PCDHGA1: variants seen among roughly 807,000 people sequenced by gnomAD.
The protein encoded by PCDHGA1 is protocadherin gamma subfamily A, 1.
In PCDHGA1, 32 loss-of-function variants were observed where a neutral mutation model predicts 58.0. The observed-to-expected ratio is 0.55, with a 90% CI of 0.42 to 0.74. PCDHGA1 has a LOEUF of 0.74. PCDHGA1 is among the 30% of genes least tolerant of loss of function. The pLI is 0.00. For missense variants in PCDHGA1, 1,205 were observed against 1,182.3 expected, an observed-to-expected ratio of 1.02 and a Z score of -0.28; for synonymous variants, 498 against 501.1, an observed-to-expected ratio of 0.99 and a Z score of 0.08.
At chr5:141,473,635 C>A (rs945632106) in intron 1 of PCDHGA1, among the ~76,000 whole-genome samples, 1 of 152,128 alleles carries the variant, frequency 6.6e-6, no homozygotes, top group African/African-American at 2.4e-5. Flanking sequence ...AGCAGCTTTC[C>A]TGGCAAAGGA....
intron 1 of PCDHGA1, chr5:141,419,434 G>A (rs372006900): frequency 2.5e-5 from 41 of 1,613,112 alleles, no homozygotes; most frequent in Non-Finnish European, 3.3e-5. Flanking sequence ...ACGAGCAGCT[G>A]CGCACCTTCG....
chr5:141,427,914 A>G (rs757621783), intron 1 of PCDHGA1: 123 of 1,576,802 alleles, frequency 7.8e-5, no homozygotes, highest in Non-Finnish European at 7.6e-5. Context: ...CAGCGCCAAC[A>G]TGAGCCGGCG....
chr5:141,406,307 T>C (rs2094791462), intron 1 of PCDHGA1, among the ~76,000 whole-genome samples: 1 of 152,088 alleles, frequency 6.6e-6, no homozygotes, highest in African/African-American at 2.4e-5. Flanking sequence ...GTGAACCACC[T>C]CACCCAGCAA....
chr5:141,420,496 G>T, intron 1 of PCDHGA1: 1 of 495,924 alleles, frequency 2.0e-6, no homozygotes, highest in Non-Finnish European at 3.1e-6. Context: ...GTAATCTCCG[G>T]TGACATTTTT....
At chr5:141,372,216 A>G (rs1768504235) in intron 1 of PCDHGA1, 8 of 1,613,520 alleles carry the variant, frequency 5.0e-6, no homozygotes, top group Non-Finnish European at 5.1e-6. Flanking sequence ...GTCCTACCAC[A>G]TTGTGCAGGC....
intron 1 of PCDHGA1, chr5:141,417,121 G>C (rs2096086482): frequency 6.6e-6 from 1 of 152,110 alleles, no homozygotes; most frequent in Non-Finnish European, 1.5e-5. Context: ...GGACACCCTG[G>C]ATGATGGTAA....
At chr5:141,413,763 G>A (rs964376306) in intron 1 of PCDHGA1, 6 of 1,612,814 alleles carry the variant, frequency 3.7e-6, no homozygotes, top group Non-Finnish European at 5.1e-6. Context: ...TCAAGTACCC[G>A]GAGCTGGTAC....
rs749252261 is a variant in PCDHGA1 at position 141,366,393 on chromosome 5, A to C, written c.2421+33288A>C. ...ACCCCCATTGACCCTGAGGATCTGG[A>C]CCTCACACTCTATCTTGTGGTGGCA... On this transcript the variant is annotated intron_variant, in intron 1 of 3. Transcript: ENST00000517417. 11 of 1,614,004 alleles carry C rather than the reference A, an allele frequency of 6.8e-6. 1 individual carries two copies. Among genetic ancestry groups the C allele is most frequent in the African/African-American group, 4.0e-5 (3 of 74,938 alleles).
rs1405122578 is a variant in PCDHGA1 at position 141,330,670 on chromosome 5, C to A, written c.-15C>A. ...TTGGTACTGGACTGGAAGAAAACTA[C>A]GAAGTGAGAGAGCCATGAAGATTCA... On this transcript the variant is annotated 5_prime_UTR_variant, in exon 1 of 4. Transcript: ENST00000517417. 1.3e-6 allele frequency: 2 copies of A among 1,587,780 alleles called. No individual in the cohort carries two copies. Among genetic ancestry groups the A allele is most frequent in the Non-Finnish European group, 1.7e-6 (2 of 1,165,364 alleles).
At chr5:141,386,978 T>C (rs1267866332) in intron 1 of PCDHGA1, among the ~76,000 whole-genome samples, 1 of 152,172 alleles carries the variant, frequency 6.6e-6, no homozygotes, top group Non-Finnish European at 1.5e-5. Flanking sequence ...GACTTTGTGT[T>C]TTGAGGCTAT....
At chr5:141,459,137 G>C (rs1336232891) in intron 1 of PCDHGA1, among the ~76,000 whole-genome samples, 1 of 152,190 alleles carries the variant, frequency 6.6e-6, no homozygotes, top group Non-Finnish European at 1.5e-5. Context: ...TAACCACCAT[G>C]CAATCAAAAT....
Position 141,420,043 on chromosome 5 carries a change from G to T in PCDHGA1, c.2422-74764G>T, listed in dbSNP as rs747553514. On this transcript the variant is annotated intron_variant, in intron 1 of 3. Coordinates refer to ENST00000517417, the MANE Select transcript of PCDHGA1 (RefSeq NM_018912.3). ...GCCCTACTGCAGGAGACTGCTTTGAGTCAGTTCTCTGCTCCAAGTCCGGAC... is the reference window on the plus strand; with the variant it reads ...GCCCTACTGCAGGAGACTGCTTTGATTCAGTTCTCTGCTCCAAGTCCGGAC... The T allele has an allele frequency of 1.9e-6, 3 of 1,614,078 alleles. No individual in the cohort carries two copies. In the Admixed American group the frequency reaches 5.0e-5, roughly 27 times the overall value.
chr5:141,488,711 A>G (rs184498001), intron 1 of PCDHGA1, among the ~76,000 whole-genome samples: 100 of 152,290 alleles, frequency 6.6e-4, no homozygotes, highest in Non-Finnish European at 1.2e-3. Context: ...TGCTGGTTCA[A>G]GCAAAGTGGT....
chr5:141,398,661 C>A, intron 1 of PCDHGA1: 1 of 1,614,018 alleles, frequency 6.2e-7, no homozygotes, highest in Non-Finnish European at 8.5e-7. Context: ...ACCCAAGTTT[C>A]TCATTAATAA....
At chr5:141,399,562 T>TTGAACGGCCAAGTCTCCTACTCTATCA in intron 1 of PCDHGA1, 1 of 1,614,016 alleles carries the variant, frequency 6.2e-7, no homozygotes, top group Non-Finnish European at 8.5e-7. Context: ...GGACTTGGGG[T>TTGAACGGCCAAGTCTCCTACTCTATCA]TGAACGGCCA....
At chr5:141,372,457 TAC>T (rs774918013) in intron 1 of PCDHGA1, 3 of 1,614,052 alleles carry the variant, frequency 1.9e-6, no homozygotes, top group Non-Finnish European at 1.7e-6. Flanking sequence ...CAGGCGGAGC[TAC>T]AGTTTCACCT....
intron 1 of PCDHGA1, chr5:141,340,918 C>T (rs769573354): frequency 4.3e-6 from 7 of 1,613,668 alleles, no homozygotes; most frequent in South Asian, 3.3e-5. Flanking sequence ...TCCAGGACCA[C>T]GGCCAGCCCC....
chr5:141,370,785 C>T, intron 1 of PCDHGA1: 1 of 1,614,018 alleles, frequency 6.2e-7, no homozygotes, highest in Non-Finnish European at 8.5e-7. Flanking sequence ...CGACAACCCA[C>T]CGACCTTTAG....
At chr5:141,392,837 C>T (rs772636303) in intron 1 of PCDHGA1, 1 of 1,608,294 alleles carries the variant, frequency 6.2e-7, no homozygotes. Context: ...AGAGTCGCCC[C>T]AGACGCGGCG....
Sources: gnomAD v4.1 joint callset for allele counts (sites outside exome capture counted in the v4.1 genomes callset) on GRCh38, gnomAD v4.1.1 for gene constraint, MANE v1.5 for transcripts, NCBI Gene and HGNC (gene_info 2026-07-23, HGNC 2026-07-21) for gene names.